The following EYA1 variants were observed in gnomAD, a reference collection of about 807,000 sequenced individuals.
The protein encoded by EYA1 is protein phosphatase EYA1.
A neutral mutation model predicts 82.0 loss-of-function variants in EYA1; 16 were observed. That is an observed-to-expected ratio of 0.20 (90% CI 0.13 to 0.30). The LOEUF (loss-of-function observed/expected upper bound fraction) is 0.30. Ranked by LOEUF, EYA1 falls within the 10% of genes least tolerant of loss-of-function variation. The pLI, the probability that EYA1 is intolerant of heterozygous loss-of-function variation, is 1.00. For missense variants in EYA1, 633 were observed against 730.7 expected, an observed-to-expected ratio of 0.87 and a Z score of 1.54; for synonymous variants, 261 against 264.4, an observed-to-expected ratio of 0.99 and a Z score of 0.12.
chr8:71,291,063 T>C (rs1430568057), intron 9 of EYA1, among the ~76,000 whole-genome samples: 2 of 152,206 alleles, frequency 1.3e-5, no homozygotes, highest in African/African-American at 4.8e-5. Context: ...CCTGCAGATT[T>C]TCCAAAACGT....
chr8:71,470,904 T>C (rs1206911885), intron 2 of EYA1: 2 of 455,202 alleles, frequency 4.4e-6, no homozygotes, highest in Non-Finnish European at 8.8e-6. Flanking sequence ...CCAAATGTCG[T>C]AACATATTGA....
At chr8:71,223,931 G>A (rs920684191) in intron 12 of EYA1, among the ~76,000 whole-genome samples, 1 of 152,148 alleles carries the variant, frequency 6.6e-6, no homozygotes, top group African/African-American at 2.4e-5. Flanking sequence ...CCATAATTAT[G>A]TAAAAATACA....
chr8:71,528,635 C>T (rs1408061539), intron 2 of EYA1, among the ~76,000 whole-genome samples: 3 of 152,156 alleles, frequency 2.0e-5, no homozygotes, highest in Admixed American at 6.5e-5. Flanking sequence ...CTGTCCATTA[C>T]ATCAGAATTA....
At position 71,354,848 on chromosome 8, in the gene EYA1, G is replaced by C. The variant is rs1445404; in HGVS notation, c.58C>G (p.Pro20Ala). Residue 20 changes from proline to alanine, a missense_variant, in exon 3 of 18, where the codon CCC (proline) becomes GCC (alanine). Physicochemically the swap from Pro to Ala is conservative, Grantham distance 27. Coordinates refer to ENST00000340726, the MANE Select transcript of EYA1 (RefSeq NM_000503.6). ...GAGTTACCGAGTTTGGGGCCACTGG[G>C]GGATTCACTACTACCACTCAGACGG... ...HSRLSGSSES[P>A]SGPKLGNSHI... 0.01 allele frequency: 16,168 copies of C among 1,613,594 alleles called. 1,286 individuals carry two copies. In the African/African-American group the frequency reaches 0.18, roughly 18 times the overall value.
At chr8:71,333,281 T>C (rs1824101788) in intron 4 of EYA1, among the ~76,000 whole-genome samples, 1 of 152,232 alleles carries the variant, frequency 6.6e-6, no homozygotes, top group Non-Finnish European at 1.5e-5. Flanking sequence ...TTTGTATTTA[T>C]AATTTCTTTT....
At chr8:71,517,510 A>G (rs1365021407) in intron 2 of EYA1, among the ~76,000 whole-genome samples, 2 of 152,032 alleles carry the variant, frequency 1.3e-5, no homozygotes, top group Middle Eastern at 3.4e-3. Flanking sequence ...GAATGCTGAA[A>G]AAATAGTTAT....
intron 2 of EYA1, among the ~76,000 whole-genome samples, chr8:71,367,523 AT>A (rs1361104134): frequency 1.3e-5 from 2 of 149,586 alleles, no homozygotes; most frequent in East Asian, 3.9e-4. Flanking sequence ...AGCAGTATTA[AT>A]TTTTTCTTCC....
chr8:71,427,991 A>G (rs1403144923), intron 2 of EYA1, among the ~76,000 whole-genome samples: 1 of 151,668 alleles, frequency 6.6e-6, no homozygotes, highest in Non-Finnish European at 1.5e-5. Context: ...AAAAAAAAAA[A>G]AGAGATGAAT....
chr8:71,370,211 C>G (rs919476762), intron 2 of EYA1, among the ~76,000 whole-genome samples: 2 of 151,836 alleles, frequency 1.3e-5, no homozygotes, highest in African/African-American at 2.4e-5. Context: ...TTTAAAGAAA[C>G]CCTACACGTC....
chr8:71,387,622 A>T (rs952956884), intron 2 of EYA1, among the ~76,000 whole-genome samples: 5 of 152,154 alleles, frequency 3.3e-5, no homozygotes, highest in African/African-American at 1.2e-4. Flanking sequence ...CGGCACCCAC[A>T]TTTCTAACTT....
At chr8:71,432,610 ATCT>A (rs1451645371) in intron 2 of EYA1, among the ~76,000 whole-genome samples, 1 of 152,122 alleles carries the variant, frequency 6.6e-6, no homozygotes, top group Non-Finnish European at 1.5e-5. Flanking sequence ...TTGTGTCCTA[ATCT>A]TCTCTTTTTA....
At chr8:71,389,885 T>C (rs9657100) in intron 2 of EYA1, among the ~76,000 whole-genome samples, 32,796 of 152,092 alleles carry the variant, frequency 0.22, 3,959 homozygotes, top group Non-Finnish European at 0.27. Context: ...TTTCCCTTTG[T>C]TCAGTTAATT....
chr8:71,227,701 C>T (rs1327240319), intron 12 of EYA1, among the ~76,000 whole-genome samples: 2 of 152,120 alleles, frequency 1.3e-5, no homozygotes, highest in African/African-American at 4.8e-5. Context: ...ATTTCCCACT[C>T]CTCCTAAAAT....
chr8:71,380,345 A>G (rs1190552768), intron 2 of EYA1, among the ~76,000 whole-genome samples: 1 of 152,114 alleles, frequency 6.6e-6, no homozygotes, highest in Non-Finnish European at 1.5e-5. Flanking sequence ...CCTCCTTGGG[A>G]ACTCCACGTA....
chr8:71,405,782 AAAC>A (rs150215586), intron 2 of EYA1, among the ~76,000 whole-genome samples: 3,767 of 152,270 alleles, frequency 0.025, 145 homozygotes, highest in African/African-American at 0.087. Context: ...ACAAAAACAA[AAAC>A]AAAGAGCAAA....
intron 2 of EYA1, among the ~76,000 whole-genome samples, chr8:71,435,738 G>A (rs1191156901): frequency 6.6e-6 from 1 of 152,054 alleles, no homozygotes; most frequent in Non-Finnish European, 1.5e-5. Flanking sequence ...TTCACGGAGA[G>A]GCTCTCTAGC....
chr8:71,258,134 A>G (rs533118905), intron 11 of EYA1, among the ~76,000 whole-genome samples: 4 of 152,328 alleles, frequency 2.6e-5, no homozygotes, highest in African/African-American at 9.6e-5. Flanking sequence ...TTGAAGATTC[A>G]TCCATCCCCT....
At chr8:71,387,880 T>C (rs1829054124) in intron 2 of EYA1, among the ~76,000 whole-genome samples, 1 of 151,902 alleles carries the variant, frequency 6.6e-6, no homozygotes, top group African/African-American at 2.4e-5. Context: ...TTAGGGTGAG[T>C]GTGTAATGAG....
At chr8:71,445,091 T>C (rs924109525) in intron 2 of EYA1, among the ~76,000 whole-genome samples, 12 of 152,224 alleles carry the variant, frequency 7.9e-5, no homozygotes, top group Non-Finnish European at 1.8e-4. Context: ...TATTGCTTTA[T>C]GTTATGTTAT....
Sources: gnomAD v4.1 joint callset for allele counts (sites outside exome capture counted in the v4.1 genomes callset) on GRCh38, gnomAD v4.1.1 for gene constraint, MANE v1.5 for transcripts, NCBI Gene and HGNC (gene_info 2026-07-23, HGNC 2026-07-21) for gene names.